Variants in SLC30A9 observed in about 807,000 individuals in gnomAD.
SLC30A9 encodes solute carrier family 30 member 9.
SLC30A9 carries 58 observed loss-of-function variants against 87.5 expected under a neutral mutation model. The observed-to-expected ratio is 0.66, with a 90% confidence interval of 0.54 to 0.82. The LOEUF (loss-of-function observed/expected upper bound fraction) is 0.82, where lower values mean the gene tolerates loss of function less well. Ranked by LOEUF, SLC30A9 falls within the 40% of genes least tolerant of loss-of-function variation. The probability of loss-of-function intolerance (pLI) is 0.00; values close to 1 mark genes in which losing one functional copy is unlikely to be tolerated. For missense variants in SLC30A9, 557 were observed against 679.1 expected, an observed-to-expected ratio of 0.82 and a Z score of 2.00; for synonymous variants, 234 against 233.0, an observed-to-expected ratio of 1.00 and a Z score of -0.04.
chr4:42,036,641 T>C (rs902781872), intron 7 of SLC30A9, among the ~76,000 whole-genome samples: 2 of 152,230 alleles, frequency 1.3e-5, no homozygotes, highest in Non-Finnish European at 2.9e-5. Context: ...ATTGCACCCA[T>C]TTTGCAAAGT....
At chr4:42,081,443 A>G (rs969767457) in intron 17 of SLC30A9, among the ~76,000 whole-genome samples, 3 of 152,236 alleles carry the variant, frequency 2.0e-5, no homozygotes, top group Admixed American at 1.3e-4. Flanking sequence ...ATGTCAGCAT[A>G]GTAAAAAAAG....
intron 9 of SLC30A9, among the ~76,000 whole-genome samples, chr4:42,054,556 T>A (rs1010375645): frequency 1.7e-4 from 25 of 150,974 alleles, no homozygotes; most frequent in Admixed American, 4.7e-4. Flanking sequence ...AATGGCATGA[T>A]CTCAGCTCAC....
At position 42,075,678 on chromosome 4, in the gene SLC30A9, C is replaced by T. The variant is rs200738420; in HGVS notation, c.1440C>T (p.Ala480=). The change falls in exon 16 of 18, where the codon GCC becomes GCT. Residue 480 remains alanine (A), a synonymous_variant. Transcript: ENST00000264451. ...PSVRAIHDVK[A]TDLGLGKVRF... ...GCAGGGCAATTCATGATGTTAAAGC[C>T]ACAGATCTGGGATTAGGTAAAGTAA... 60 of 1,613,322 alleles carry T rather than the reference C, an allele frequency of 3.7e-5. No individual in the cohort carries two copies. The highest frequency in any genetic ancestry group is 4.8e-5 in the Non-Finnish European group (57 of 1,179,662).
intron 11 of SLC30A9, among the ~76,000 whole-genome samples, chr4:42,064,983 A>T (rs1326582660): frequency 6.6e-6 from 1 of 152,054 alleles, no homozygotes; most frequent in Non-Finnish European, 1.5e-5. Context: ...GGAATGTGGT[A>T]TTACCAAAAA....
chr4:42,060,620 T>G (rs1420434636), intron 10 of SLC30A9, among the ~76,000 whole-genome samples: 2 of 152,178 alleles, frequency 1.3e-5, no homozygotes, highest in African/African-American at 4.8e-5. Flanking sequence ...TTCTATTAGA[T>G]ACACACTTAT....
At chr4:42,033,284 C>G (rs1310676759) in intron 6 of SLC30A9, among the ~76,000 whole-genome samples, 3 of 151,714 alleles carry the variant, frequency 2.0e-5, no homozygotes, top group Non-Finnish European at 4.4e-5. Context: ...CACTCTAAGT[C>G]CTCTCTCTTG....
chr4:41,994,297 G>A (rs1714596593), intron 1 of SLC30A9, among the ~76,000 whole-genome samples: 1 of 151,872 alleles, frequency 6.6e-6, no homozygotes, highest in African/African-American at 2.4e-5. Flanking sequence ...TTTTTTATTT[G>A]TGTTTTACAA....
intron 6 of SLC30A9, among the ~76,000 whole-genome samples, chr4:42,028,469 G>A (rs1716283695): frequency 6.6e-6 from 1 of 152,212 alleles, no homozygotes; most frequent in African/African-American, 2.4e-5. Flanking sequence ...CAGTAAACCT[G>A]ATGTGGAATC....
intron 2 of SLC30A9, among the ~76,000 whole-genome samples, chr4:42,010,423 G>A (rs1577682724): frequency 6.6e-6 from 1 of 152,136 alleles, no homozygotes; most frequent in Non-Finnish European, 1.5e-5. Flanking sequence ...GCTGCAGTGA[G>A]CCCTGATTGT....
chr4:42,057,094 G>A (rs1271794541), intron 9 of SLC30A9, among the ~76,000 whole-genome samples: 1 of 152,218 alleles, frequency 6.6e-6, no homozygotes, highest in Non-Finnish European at 1.5e-5. Flanking sequence ...ACTTTTGGCT[G>A]CTTTCAGGGG....
intron 15 of SLC30A9, among the ~76,000 whole-genome samples, chr4:42,075,104 T>TA (rs1718498413): frequency 7.9e-6 from 1 of 127,266 alleles, no homozygotes; most frequent in Non-Finnish European, 1.6e-5. Flanking sequence ...GACAGAGTCT[T>TA]ACTCTGTTGC....
intron 14 of SLC30A9, among the ~76,000 whole-genome samples, chr4:42,067,779 G>T (rs890796944): frequency 6.6e-6 from 1 of 152,132 alleles, no homozygotes; most frequent in African/African-American, 2.4e-5. Context: ...GTGAATTGGG[G>T]TGTCTAAATA....
intron 7 of SLC30A9, among the ~76,000 whole-genome samples, chr4:42,037,239 C>CTTTTTTTTTTTTTTTTTT (rs536795831): frequency 1.1e-5 from 1 of 91,194 alleles, no homozygotes; most frequent in Non-Finnish European, 2.1e-5. Flanking sequence ...TAAATGCCTT[C>CTTTTTTTTTTTTTTTTTT]TTTTTTTTTT....
intron 10 of SLC30A9, among the ~76,000 whole-genome samples, chr4:42,061,163 T>C (rs555041706): frequency 6.6e-6 from 1 of 152,328 alleles, no homozygotes; most frequent in Admixed American, 6.5e-5. Context: ...TATAGTCTAC[T>C]TTAGTGCTGC....
intron 1 of SLC30A9, among the ~76,000 whole-genome samples, chr4:41,991,536 T>G (rs1156927120): frequency 2.0e-5 from 3 of 152,218 alleles, no homozygotes; most frequent in Non-Finnish European, 2.9e-5. Context: ...CACTGAGAAC[T>G]GATAGGATCT....
chr4:42,045,877 T>A (rs1717130382), intron 8 of SLC30A9, among the ~76,000 whole-genome samples: 1 of 152,168 alleles, frequency 6.6e-6, no homozygotes, highest in Non-Finnish European at 1.5e-5. Flanking sequence ...ATCACCACCA[T>A]CAAGTTGGTT....
chr4:42,004,951 C>A (rs1205321503), intron 2 of SLC30A9, among the ~76,000 whole-genome samples: 1 of 152,022 alleles, frequency 6.6e-6, no homozygotes. Flanking sequence ...ACTATACCGG[C>A]CATATTTTTC....
Position 42,018,130 on chromosome 4 carries a change from ACT to A in SLC30A9, c.296_297del (p.Leu99GlnfsTer5). On this transcript the variant is annotated frameshift_variant, in exon 3 of 18. Coordinates refer to ENST00000264451, the MANE Select transcript of SLC30A9 (RefSeq NM_006345.4). LOFTEE classifies it high-confidence loss of function. ...FETAEGIGTE[L>X]KAPLKQEPLQ... ...TTACAGCAGAAGGTATAGGCACAGA[ACT>A]CAAAGCTCCACTTAAGCAAGAACCT... 6.4e-7 allele frequency: 1 copy of A among 1,564,344 alleles called. No homozygotes were observed. The highest frequency in any genetic ancestry group is 2.3e-5 in the East Asian group (1 of 44,356).
intron 15 of SLC30A9, among the ~76,000 whole-genome samples, chr4:42,073,979 A>G (rs1718423067): frequency 6.6e-6 from 1 of 152,190 alleles, no homozygotes; most frequent in African/African-American, 2.4e-5. Context: ...ATATCTAAAT[A>G]TATTTATTAG....
Sources: gnomAD v4.1 joint callset for allele counts (sites outside exome capture counted in the v4.1 genomes callset) on GRCh38, gnomAD v4.1.1 for gene constraint, MANE v1.5 for transcripts, NCBI Gene and HGNC (gene_info 2026-07-23, HGNC 2026-07-21) for gene names.